The following FANCD2 variants were observed in gnomAD, a reference collection of about 807,000 sequenced individuals.
FANCD2 encodes the protein Fanconi anemia group D2 protein.
In FANCD2, 131 loss-of-function variants were observed where a neutral mutation model predicts 192.3. The observed-to-expected ratio is 0.68, with a 90% CI of 0.59 to 0.79. The LOEUF (loss-of-function observed/expected upper bound fraction) is 0.79, where lower values mean the gene tolerates loss of function less well. FANCD2 is among the 30% of genes least tolerant of loss of function. The pLI is 0.00. For synonymous variants in FANCD2, 524 were observed against 612.5 expected, an observed-to-expected ratio of 0.86 and a Z score of 2.13; for missense variants, 1,508 against 1,701.6, an observed-to-expected ratio of 0.89 and a Z score of 2.00.
At chr3:10,088,578 CT>C (rs777197502) in intron 35 of FANCD2, 36 bp downstream of exon 35, 1 of 1,409,812 alleles carries the variant, frequency 7.1e-7, no homozygotes, top group Non-Finnish European at 1.0e-6. Flanking sequence ...AGCCAAATAG[CT>C]TTTTTCTATT....
At chr3:10,042,755 T>C (rs2086897004) in intron 11 of FANCD2, 92 bp downstream of exon 11, 1 of 994,334 alleles carries the variant, frequency 1.0e-6, no homozygotes, top group South Asian at 1.3e-5. Flanking sequence ...TACTGACTAA[T>C]CCGGATAGCA....
rs62245508 is a variant in FANCD2, at chr3:10,048,054, A to T, written c.1413+3A>T. 1 of 1,547,396 alleles carries T rather than the reference A, an allele frequency of 6.5e-7. No homozygotes were observed. The highest frequency in any genetic ancestry group is 1.4e-5 in the African/African-American group (1 of 72,086). On this transcript the variant is annotated splice_donor_region_variant and intron_variant, in intron 16 of 43. Coordinates refer to ENST00000675286, the MANE Select transcript of FANCD2 (RefSeq NM_001018115.3). Reference sequence around the variant, plus strand: ...TTTTTGACACGTACTGCCAGCAGGTATGTTGAAACATTTATTTTGGCAAGG... The same window carrying T: ...TTTTTGACACGTACTGCCAGCAGGTTTGTTGAAACATTTATTTTGGCAAGG...
At chr3:10,057,079 C>T (rs1043187455) in intron 18 of FANCD2, among the ~76,000 whole-genome samples, 6 of 152,122 alleles carry the variant, frequency 3.9e-5, no homozygotes, top group Non-Finnish European at 7.4e-5. Flanking sequence ...TGGTTTGGAA[C>T]GCTTGAGCTC....
At chr3:10,059,946 G>A (rs1488340084) in intron 18 of FANCD2, among the ~76,000 whole-genome samples, 1 of 151,992 alleles carries the variant, frequency 6.6e-6, no homozygotes, top group Non-Finnish European at 1.5e-5. Flanking sequence ...CAAGGCTGGT[G>A]GATCACCTGA....
rs141156896 is a variant in FANCD2, at chr3:10,101,258, A to C, written c.4352A>C (p.Asp1451Ala). The C allele has an allele frequency of 7.0e-5, 113 of 1,606,636 alleles. No homozygotes were observed. The highest frequency in any genetic ancestry group is 9.6e-5 in the Non-Finnish European group (113 of 1,174,086). Residue 1451 changes from aspartate to alanine, a missense_variant, in exon 44 of 44, where the codon GAT becomes GCT. Asp to Ala is a moderately radical substitution (Grantham distance 126, BLOSUM62 -2). Coordinates refer to ENST00000675286, the MANE Select transcript of FANCD2 (RefSeq NM_001018115.3). ...QDSDESYDDS[D>A] The stretch of plus-strand genomic sequence containing the variant: ...AGTGATGAGAGTTATGATGACTCTG[A>C]TTAGACCCCAGATAAATTGTTGCCT...
In FANCD2 at chr3:10,043,519, G is replaced by A. The variant is rs185047839; in HGVS notation, c.1025G>A (p.Cys342Tyr). The A allele has an allele frequency of 1.9e-6, 3 of 1,613,896 alleles. No homozygotes were observed. The highest frequency in any genetic ancestry group is 2.7e-5 in the African/African-American group (2 of 75,042). Residue 342 changes from cysteine to tyrosine, a missense_variant, in exon 13 of 44, where the codon TGT becomes TAT. Transcript: ENST00000675286. ...SGNQESSGQS[C>Y]IILLFDVIKS... The stretch of plus-strand genomic sequence containing the variant: ...AATCAAGAAAGCAGCGGTCAGAGCT[G>A]TATTATTCTCCTCTTTGATGTAATA...
intron 39 of FANCD2, among the ~76,000 whole-genome samples, chr3:10,093,806 T>G (rs1694795037): frequency 6.6e-6 from 1 of 152,204 alleles, no homozygotes; most frequent in Non-Finnish European, 1.5e-5. Context: ...TCCTCAAGTT[T>G]CCTTCCAAGT....
chr3:10,032,999 C>A, intron 3 of FANCD2, 27 bp downstream of exon 3: 1 of 1,515,346 alleles, frequency 6.6e-7, no homozygotes. Flanking sequence ...ATTTTATTCT[C>A]TGGGTTTAAT....
At chr3:10,051,253 C>T (rs375152499) in intron 17 of FANCD2, among the ~76,000 whole-genome samples, 2 of 141,950 alleles carry the variant, frequency 1.4e-5, no homozygotes, top group African/African-American at 5.4e-5. Context: ...TAGTGGTGGG[C>T]GCCTGTAGTC....
At chr3:10,076,364 G>A (rs1298646932) in intron 29 of FANCD2, among the ~76,000 whole-genome samples, 2 of 151,684 alleles carry the variant, frequency 1.3e-5, no homozygotes, top group African/African-American at 4.9e-5. Flanking sequence ...ACGCATCTTG[G>A]ATCCACAACT....
chr3:10,066,512 T>C (rs1285331768), intron 25 of FANCD2, among the ~76,000 whole-genome samples: 1 of 152,188 alleles, frequency 6.6e-6, no homozygotes, highest in Non-Finnish European at 1.5e-5. Context: ...AATAGGGAGT[T>C]CAAAGTCATT....
chr3:10,036,681 G>T (rs1454737503), intron 7 of FANCD2, among the ~76,000 whole-genome samples: 1 of 150,224 alleles, frequency 6.7e-6, no homozygotes, highest in African/African-American at 2.5e-5. Flanking sequence ...TTTCAAAACA[G>T]AATTTTTTTT....
At chr3:10,053,478 G>A (rs2087280516) in intron 18 of FANCD2, among the ~76,000 whole-genome samples, 1 of 151,638 alleles carries the variant, frequency 6.6e-6, no homozygotes, top group Admixed American at 6.6e-5. Flanking sequence ...GTATACATAT[G>A]TAACTAACCT....
At chr3:10,049,181 G>T (rs1487351019) in intron 16 of FANCD2, among the ~76,000 whole-genome samples, 193 bp from the exon 17 acceptor site, 7 of 150,920 alleles carry the variant, frequency 4.6e-5, no homozygotes, top group Admixed American at 2.0e-4. Flanking sequence ...GTCAAGATGG[G>T]ATGGTCAAGT....
chr3:10,099,138 T>A (rs1695154889), intron 43 of FANCD2: 10 of 1,471,584 alleles, frequency 6.8e-6, no homozygotes, highest in Non-Finnish European at 8.9e-6. Context: ...AAGTATTTTC[T>A]GAGTGTTGAG....
chr3:10,042,357 C>T (rs987123476), intron 10 of FANCD2, among the ~76,000 whole-genome samples: 10 of 152,038 alleles, frequency 6.6e-5, no homozygotes, highest in Non-Finnish European at 1.5e-4. Context: ...ATTTATTGCC[C>T]GTCTATTTTT....
intron 17 of FANCD2, among the ~76,000 whole-genome samples, chr3:10,051,453 A>C (rs1216892906): frequency 0.083 from 6 of 72 alleles, no homozygotes; most frequent in Non-Finnish European, 0.11. Flanking sequence ...ACACTGAAAA[A>C]GTTGAAGATG....
At chr3:10,044,023 C>G (rs1419466563) in intron 14 of FANCD2, among the ~76,000 whole-genome samples, 159 bp downstream of exon 14, 1 of 152,180 alleles carries the variant, frequency 6.6e-6, no homozygotes, top group Non-Finnish European at 1.5e-5. Context: ...GGAAGATAAT[C>G]TGAGGTGGCG....
intron 20 of FANCD2, among the ~76,000 whole-genome samples, chr3:10,062,790 A>G (rs1009621398): frequency 6.6e-6 from 1 of 151,882 alleles, no homozygotes; most frequent in East Asian, 1.9e-4. Context: ...GGTTCAAGCA[A>G]TTCTCCTGCC....
Sources: allele counts gnomAD v4.1 joint callset (sites outside exome capture counted in the v4.1 genomes callset), GRCh38; gene constraint gnomAD v4.1.1; transcripts MANE v1.5; gene names NCBI Gene and HGNC (gene_info 2026-07-23, HGNC 2026-07-21).